PAK2: variants seen among roughly 807,000 people sequenced by gnomAD.
PAK2 encodes p21 (RAC1) activated kinase 2, also known as serine/threonine-protein kinase PAK 2.
In PAK2, 21 loss-of-function variants were observed where a neutral mutation model predicts 65.9. That is an observed-to-expected ratio of 0.32 (90% CI 0.23 to 0.46). The LOEUF (loss-of-function observed/expected upper bound fraction) is 0.46, where lower values mean the gene tolerates loss of function less well. PAK2 is among the 20% of genes least tolerant of loss of function. PAK2 has a pLI of 1.00. For missense variants in PAK2, 324 were observed against 642.6 expected, an observed-to-expected ratio of 0.50 and a Z score of 5.36; for synonymous variants, 204 against 219.7, an observed-to-expected ratio of 0.93 and a Z score of 0.63.
rs1348479141 is a variant in PAK2 at position 196,830,315 on chromosome 3, A to G, written c.*1910A>G. 6.6e-6 allele frequency: 1 copy of G among 152,174 alleles called. No individual in the cohort carries two copies. Among genetic ancestry groups the G allele is most frequent in the Non-Finnish European group, 1.5e-5 (1 of 68,042 alleles). 9.4% of individuals were successfully genotyped at this position (152,174 alleles called of 1,614,324 possible). On this transcript the variant is annotated 3_prime_UTR_variant, in exon 15 of 15. Coordinates refer to ENST00000327134, the MANE Select transcript of PAK2 (RefSeq NM_002577.4). Reference sequence around the variant, plus strand: ...TCTTGATTTCATTTTTCTCTGGAATATATTGGCCTTCTACAGCTATTACTG... The same window carrying G: ...TCTTGATTTCATTTTTCTCTGGAATGTATTGGCCTTCTACAGCTATTACTG...
At chr3:196,778,863 A>T (rs1337068975) in intron 1 of PAK2, among the ~76,000 whole-genome samples, 1 of 152,130 alleles carries the variant, frequency 6.6e-6, no homozygotes, top group African/African-American at 2.4e-5. Context: ...TTTTCTCGTG[A>T]TTAGGCTGGG....
At chr3:196,763,798 A>G (rs1199815614) in intron 1 of PAK2, among the ~76,000 whole-genome samples, 2 of 152,066 alleles carry the variant, frequency 1.3e-5, no homozygotes, top group Non-Finnish European at 2.9e-5. Context: ...TCCAGTGTTA[A>G]TTGCTTGATA....
intron 7 of PAK2, chr3:196,808,116 A>C: frequency 2.3e-6 from 1 of 437,456 alleles, no homozygotes; most frequent in Admixed American, 4.2e-5. Flanking sequence ...TCAGGAGATC[A>C]AGACCAGCCT....
intron 1 of PAK2, among the ~76,000 whole-genome samples, chr3:196,771,901 T>C (rs1048860342): frequency 6.6e-6 from 1 of 152,206 alleles, no homozygotes; most frequent in Non-Finnish European, 1.5e-5. Context: ...ATGAGTTCAT[T>C]AGTTCATTGT....
chr3:196,740,044 C>CCCCTT lies in PAK2; in HGVS notation c.-130_-126dup, dbSNP rs1713131678. The CCCCTT allele has an allele frequency of 6.6e-6, 1 of 151,430 alleles. No homozygotes were observed. The highest frequency in any genetic ancestry group is 2.1e-4 in the South Asian group (1 of 4,752). 9.4% of individuals were successfully genotyped at this position (151,430 alleles called of 1,614,324 possible). On this transcript the variant is annotated 5_prime_UTR_variant, in exon 1 of 15. Transcript: ENST00000327134. ...CGCGGCGTCTCTTCCCGCCCCGCTT[C>CCCCTT]CCCTTCCCTCCCCTCCCCTCCCCGC...
At position 196,820,661 on chromosome 3, in the gene PAK2, G is replaced by GT; in HGVS notation, c.1350+95dup. 1 of 618,852 alleles carries GT rather than the reference G, an allele frequency of 1.6e-6. No individual in the cohort carries two copies. The highest frequency in any genetic ancestry group is 2.7e-6 in the Non-Finnish European group (1 of 366,858). The allele number at this position is 618,852 out of a possible 1,614,324, so 38.3% of individuals were successfully genotyped here. On this transcript the variant is annotated intron_variant, in intron 13 of 14. Coordinates refer to ENST00000327134, the MANE Select transcript of PAK2 (RefSeq NM_002577.4). This position sits in a 1 kb window ranked among gnomAD's most constrained non-coding sequence, Gnocchi z 4.6. The stretch of plus-strand genomic sequence containing the variant: ...GCCTGGCACTGTCCAAGAATTTAAA[G>GT]TAGAAGGTTGATAAAACCTAATCTC...
At chr3:196,818,238 C>T in intron 12 of PAK2, 82 bp downstream of exon 12, 4 of 639,706 alleles carry the variant, frequency 6.3e-6, no homozygotes, top group Non-Finnish European at 2.9e-6. Flanking sequence ...TTGACCAATG[C>T]AAGGATTAAT....
intron 2 of PAK2, among the ~76,000 whole-genome samples, chr3:196,797,755 AAAAAT>A (rs1453036105): frequency 2.6e-5 from 4 of 152,132 alleles, no homozygotes; most frequent in Admixed American, 1.3e-4. Context: ...TGTCTCAAAA[AAAAAT>A]AAAATAAATA....
At chr3:196,786,295 T>C (rs1242153055) in intron 2 of PAK2, among the ~76,000 whole-genome samples, 1 of 151,956 alleles carries the variant, frequency 6.6e-6, no homozygotes, top group African/African-American at 2.4e-5. Flanking sequence ...CCCGAGTAGC[T>C]GGGATTACAG....
At chr3:196,794,117 C>T (rs1204872412) in intron 2 of PAK2, among the ~76,000 whole-genome samples, 1 of 151,918 alleles carries the variant, frequency 6.6e-6, no homozygotes, top group African/African-American at 2.4e-5. Flanking sequence ...GGCAACAGTG[C>T]AAGACTCTGT....
intron 2 of PAK2, among the ~76,000 whole-genome samples, chr3:196,801,159 A>G (rs933334061): frequency 6.6e-6 from 1 of 152,246 alleles, no homozygotes; most frequent in Non-Finnish European, 1.5e-5. Context: ...GGTTTTGTCA[A>G]CTACTTGTCT....
intron 1 of PAK2, among the ~76,000 whole-genome samples, chr3:196,766,276 A>G (rs1714164011): frequency 6.6e-6 from 1 of 152,224 alleles, no homozygotes; most frequent in Non-Finnish European, 1.5e-5. Flanking sequence ...TAGAGGAAAT[A>G]TGATACATCA....
At chr3:196,799,956 T>C (rs1438714695) in intron 2 of PAK2, among the ~76,000 whole-genome samples, 1 of 152,248 alleles carries the variant, frequency 6.6e-6, no homozygotes, top group East Asian at 1.9e-4. Flanking sequence ...GGCAGTGGTA[T>C]TCTGATAAAG....
intron 1 of PAK2, among the ~76,000 whole-genome samples, chr3:196,775,855 G>T (rs769471228): frequency 1.7e-4 from 26 of 152,098 alleles, no homozygotes; most frequent in Non-Finnish European, 3.4e-4. Flanking sequence ...CATGCATTTG[G>T]GTTTTCAACA....
At position 196,807,764 on chromosome 3, in the gene PAK2, T is replaced by C. The variant is rs1715632505; in HGVS notation, c.577-18T>C. On this transcript the variant is annotated intron_variant, in intron 6 of 14. Transcript: ENST00000327134. Reference sequence around the variant, plus strand: ...AACATTATTCCTCAAACCTTGGTAATGAACTGTGTCTCCACAGATTTACAC... The same window carrying C: ...AACATTATTCCTCAAACCTTGGTAACGAACTGTGTCTCCACAGATTTACAC... The C allele has an allele frequency of 2.1e-6, 3 of 1,460,774 alleles. No homozygotes were observed. In the African/African-American group the frequency reaches 4.2e-5, roughly 20 times the overall value. 90.5% of individuals were successfully genotyped at this position (1,460,774 alleles called of 1,614,324 possible).
chr3:196,743,971 G>A (rs1313193250), intron 1 of PAK2, among the ~76,000 whole-genome samples: 3 of 152,266 alleles, frequency 2.0e-5, no homozygotes, highest in African/African-American at 7.2e-5. Context: ...ACTTTTGGAT[G>A]AATAAAATGT....
At chr3:196,788,529 T>C (rs1161368052) in intron 2 of PAK2, among the ~76,000 whole-genome samples, 1 of 152,190 alleles carries the variant, frequency 6.6e-6, no homozygotes, top group East Asian at 1.9e-4. Context: ...TTTTCCATGC[T>C]TGCTAATGTG....
intron 1 of PAK2, among the ~76,000 whole-genome samples, chr3:196,782,298 T>TA (rs61249904): frequency 0.06 from 8,447 of 140,674 alleles, 333 homozygotes; most frequent in Admixed American, 0.13. Flanking sequence ...TCTTTGGAAT[T>TA]AAAAAAAAAA....
intron 1 of PAK2, among the ~76,000 whole-genome samples, chr3:196,758,999 T>G (rs1713855639): frequency 6.6e-6 from 1 of 152,158 alleles, no homozygotes; most frequent in African/African-American, 2.4e-5. Context: ...TTACACATTT[T>G]TATTCTCGTA....
Sources: gnomAD v4.1 joint callset for allele counts (sites outside exome capture counted in the v4.1 genomes callset) on GRCh38, gnomAD v4.1.1 for gene constraint, Gnocchi (gnomAD v3.1) non-coding constraint, MANE v1.5 for transcripts, NCBI Gene and HGNC (gene_info 2026-07-23, HGNC 2026-07-21) for gene names.